The following SORCS3 variants were observed in gnomAD, a reference collection of about 807,000 sequenced individuals.
SORCS3 encodes sortilin related VPS10 domain containing receptor 3, also known as VPS10 domain-containing receptor SorCS3.
In SORCS3, 57 loss-of-function variants were observed where a neutral mutation model predicts 146.3. The observed-to-expected ratio is 0.39, with a 90% CI of 0.31 to 0.49. The LOEUF (loss-of-function observed/expected upper bound fraction) is 0.49. Ranked by LOEUF, SORCS3 falls within the 20% of genes least tolerant of loss-of-function variation. The pLI is 0.92. For synonymous variants in SORCS3, 653 were observed against 618.5 expected, an observed-to-expected ratio of 1.06 and a Z score of -0.83; for missense variants, 1,341 against 1,575.5, an observed-to-expected ratio of 0.85 and a Z score of 2.52.
intron 5 of SORCS3, among the ~76,000 whole-genome samples, chr10:105,062,915 C>G (rs1457471664): frequency 6.6e-6 from 1 of 152,100 alleles, no homozygotes. Context: ...CAGAAATCTA[C>G]TCTGGTTATA....
chr10:104,860,950 A>G (rs9651454), intron 2 of SORCS3, among the ~76,000 whole-genome samples: 54,005 of 152,014 alleles, frequency 0.36, 11,491 homozygotes, highest in East Asian at 0.72. Flanking sequence ...CAGTCCCCTC[A>G]GTGGAAGACC....
At chr10:105,179,754 C>T (rs2056431679) in intron 14 of SORCS3, among the ~76,000 whole-genome samples, 1 of 152,126 alleles carries the variant, frequency 6.6e-6, no homozygotes, top group Admixed American at 6.5e-5. Flanking sequence ...AACCAACTGG[C>T]CTACTAGGGT....
intron 1 of SORCS3, among the ~76,000 whole-genome samples, chr10:104,770,399 A>T (rs1027970327): frequency 6.6e-6 from 1 of 152,200 alleles, no homozygotes; most frequent in Non-Finnish European, 1.5e-5. Flanking sequence ...AAGCAGTTCC[A>T]TGGTATCTGT....
intron 19 of SORCS3, among the ~76,000 whole-genome samples, chr10:105,222,176 A>T (rs567302850): frequency 6.7e-6 from 1 of 148,434 alleles, no homozygotes; most frequent in South Asian, 2.1e-4. Flanking sequence ...CTCCTGCCTC[A>T]GCCTCCCAAG....
chr10:104,803,856 A>T (rs1256640880), intron 1 of SORCS3, among the ~76,000 whole-genome samples: 2 of 152,062 alleles, frequency 1.3e-5, no homozygotes, highest in Non-Finnish European at 2.9e-5. Flanking sequence ...TGCCTCCTCC[A>T]GGGCCCAAGG....
intron 9 of SORCS3, among the ~76,000 whole-genome samples, chr10:105,152,280 C>A (rs965712846): frequency 6.6e-6 from 1 of 152,214 alleles, no homozygotes; most frequent in African/African-American, 2.4e-5. Flanking sequence ...GAGCTACATA[C>A]ACACTTCCAC....
At chr10:104,761,959 T>C (rs564109456) in intron 1 of SORCS3, among the ~76,000 whole-genome samples, 6 of 152,316 alleles carry the variant, frequency 3.9e-5, no homozygotes, top group African/African-American at 1.4e-4. Flanking sequence ...GTGTGTGCTT[T>C]TCTATGGAGA....
intron 7 of SORCS3, among the ~76,000 whole-genome samples, chr10:105,137,324 A>AT (rs896161376): frequency 2.2e-4 from 34 of 152,116 alleles, no homozygotes; most frequent in African/African-American, 8.0e-4. Flanking sequence ...ACCAGATGAT[A>AT]TATTTTGGGA....
chr10:104,840,200 G>A (rs1466644161), intron 1 of SORCS3, among the ~76,000 whole-genome samples: 1 of 152,158 alleles, frequency 6.6e-6, no homozygotes, highest in Admixed American at 6.6e-5. Context: ...GGCAGCTACT[G>A]AGAGGAAGGA....
At chr10:105,127,833 T>G (rs985573014) in intron 7 of SORCS3, among the ~76,000 whole-genome samples, 2 of 152,136 alleles carry the variant, frequency 1.3e-5, no homozygotes, top group African/African-American at 2.4e-5. Flanking sequence ...GGGAGCTTAG[T>G]TAAGGAGAAA....
intron 2 of SORCS3, among the ~76,000 whole-genome samples, chr10:104,877,627 A>G (rs1314206070): frequency 6.6e-6 from 1 of 152,216 alleles, no homozygotes; most frequent in African/African-American, 2.4e-5. Context: ...TTAAATAAGG[A>G]AAGATGTATA....
intron 1 of SORCS3, among the ~76,000 whole-genome samples, chr10:104,753,630 TGTTGATG>T (rs1267401221): frequency 3.3e-5 from 5 of 152,228 alleles, no homozygotes; most frequent in Non-Finnish European, 7.3e-5. Flanking sequence ...TTTGTGACTT[TGTTGATG>T]GTTTTTCCCT....
intron 3 of SORCS3, among the ~76,000 whole-genome samples, chr10:104,924,444 G>A (rs781279717): frequency 1.3e-5 from 2 of 152,102 alleles, no homozygotes; most frequent in African/African-American, 2.4e-5. Context: ...GTGTCTCTAC[G>A]GCTTACAGAG....
intron 2 of SORCS3, 113 bp downstream of exon 2, chr10:104,842,972 G>A (rs886539366): frequency 9.8e-6 from 8 of 817,064 alleles, no homozygotes; most frequent in Admixed American, 7.8e-5. Context: ...TCCTCTTCCT[G>A]GAAGCTCATG....
chr10:105,009,357 A>C (rs560454342), intron 4 of SORCS3, among the ~76,000 whole-genome samples: 23 of 152,256 alleles, frequency 1.5e-4, no homozygotes, highest in African/African-American at 5.3e-4. Flanking sequence ...TGTAAATGCT[A>C]AATGCTGAGG....
intron 5 of SORCS3, among the ~76,000 whole-genome samples, chr10:105,063,144 A>G (rs376669952): frequency 6.6e-6 from 1 of 152,324 alleles, no homozygotes; most frequent in East Asian, 1.9e-4. Flanking sequence ...CAAAATGACT[A>G]TTAAATTAAC....
At chr10:104,846,760 C>A (rs780315336) in intron 2 of SORCS3, among the ~76,000 whole-genome samples, 3 of 152,168 alleles carry the variant, frequency 2.0e-5, no homozygotes, top group Non-Finnish European at 4.4e-5. Flanking sequence ...TTTAGCACAA[C>A]CATCTGTTGG....
At chr10:105,195,877 C>T (rs771940356) in intron 14 of SORCS3, among the ~76,000 whole-genome samples, 10 of 152,126 alleles carry the variant, frequency 6.6e-5, no homozygotes, top group South Asian at 2.1e-4. Context: ...ATCTGATACA[C>T]GAAAGTGACC....
chr10:105,206,365 C>T (rs901094710), intron 16 of SORCS3, among the ~76,000 whole-genome samples: 1 of 152,072 alleles, frequency 6.6e-6, no homozygotes, highest in African/African-American at 2.4e-5. Flanking sequence ...TTAGGGGCTA[C>T]CATATTAGCT....
Sources: gnomAD v4.1 joint callset for allele counts (sites outside exome capture counted in the v4.1 genomes callset) on GRCh38, gnomAD v4.1.1 for gene constraint, MANE v1.5 for transcripts, NCBI Gene and HGNC (gene_info 2026-07-23, HGNC 2026-07-21) for gene names.